The following RELN variants were observed in gnomAD, a reference collection of about 807,000 sequenced individuals.
The protein encoded by RELN is reelin.
Under a neutral mutation model 427.6 loss-of-function variants are expected in RELN, and 108 were observed. That is an observed-to-expected ratio of 0.25 (90% CI 0.22 to 0.30). The LOEUF (loss-of-function observed/expected upper bound fraction) is 0.30, where lower values mean the gene tolerates loss of function less well. Among genes scored for constraint, RELN ranks in the 10% least tolerant of loss-of-function variants. The probability of loss-of-function intolerance (pLI) is 1.00; values close to 1 mark genes in which losing one functional copy is unlikely to be tolerated. For synonymous variants in RELN, 1,524 were observed against 1,513.4 expected, an observed-to-expected ratio of 1.01 and a Z score of -0.16; for missense variants, 3,715 against 4,302.8, an observed-to-expected ratio of 0.86 and a Z score of 3.82.
intron 4 of RELN, among the ~76,000 whole-genome samples, chr7:103,771,872 C>G (rs1006097784): frequency 6.6e-6 from 1 of 152,172 alleles, no homozygotes; most frequent in South Asian, 2.1e-4. Context: ...ATCTGTCTTC[C>G]CTTGTCTGCC....
chr7:103,796,857 G>A (rs1466088869), intron 3 of RELN, among the ~76,000 whole-genome samples: 1 of 116,132 alleles, frequency 8.6e-6, no homozygotes, highest in Admixed American at 1.2e-4. Context: ...CAGGGCAAGA[G>A]AGCTAGACTC....
intron 1 of RELN, among the ~76,000 whole-genome samples, chr7:103,918,410 G>T (rs2116674654): frequency 6.6e-6 from 1 of 152,248 alleles, no homozygotes; most frequent in South Asian, 2.1e-4. Context: ...AAAGAAGAAT[G>T]TGTAGAACAG....
chr7:103,740,288 A>G (rs1359205589), intron 6 of RELN, among the ~76,000 whole-genome samples: 2 of 152,238 alleles, frequency 1.3e-5, no homozygotes, highest in Non-Finnish European at 2.9e-5. Flanking sequence ...GACAGAATTC[A>G]TAACTGCTAC....
At chr7:103,478,686 A>G (rs1210445855) in intron 63 of RELN, among the ~76,000 whole-genome samples, 1 of 152,194 alleles carries the variant, frequency 6.6e-6, no homozygotes, top group Non-Finnish European at 1.5e-5. Flanking sequence ...CATATAAATT[A>G]TAAATATTAA....
At chr7:103,862,336 A>G (rs539772221) in intron 2 of RELN, among the ~76,000 whole-genome samples, 1 of 152,274 alleles carries the variant, frequency 6.6e-6, no homozygotes, top group East Asian at 1.9e-4. Context: ...AGGCAGCTGT[A>G]GCTGAAAATT....
intron 2 of RELN, among the ~76,000 whole-genome samples, chr7:103,844,532 T>A (rs1322620715): frequency 6.6e-6 from 1 of 152,192 alleles, no homozygotes; most frequent in Non-Finnish European, 1.5e-5. Context: ...GAAGTGTTAT[T>A]ATTATTCCTA....
intron 11 of RELN, among the ~76,000 whole-genome samples, chr7:103,673,569 T>A (rs1274725158): frequency 1.3e-5 from 2 of 152,182 alleles, no homozygotes; most frequent in Non-Finnish European, 2.9e-5. Context: ...GAATATCTCA[T>A]CTTCCTCTTG....
intron 2 of RELN, among the ~76,000 whole-genome samples, chr7:103,881,030 A>T (rs982185503): frequency 2.0e-5 from 3 of 152,164 alleles, no homozygotes; most frequent in Non-Finnish European, 4.4e-5. Context: ...TTAATGTAAT[A>T]TTAAAGCATG....
At chr7:103,568,305 G>C (rs1381186573) in intron 31 of RELN, among the ~76,000 whole-genome samples, 4 of 152,136 alleles carry the variant, frequency 2.6e-5, no homozygotes, top group Non-Finnish European at 5.9e-5. Flanking sequence ...ATCTGACAAA[G>C]GATGATGCCA....
At chr7:103,783,680 CT>C (rs1791949276) in intron 3 of RELN, among the ~76,000 whole-genome samples, 2 of 152,254 alleles carry the variant, frequency 1.3e-5, no homozygotes, top group South Asian at 4.1e-4. Flanking sequence ...TCAAAGTGTA[CT>C]TTTTATTAGC....
At chr7:103,937,874 C>T (rs533202908) in intron 1 of RELN, among the ~76,000 whole-genome samples, 2 of 152,308 alleles carry the variant, frequency 1.3e-5, no homozygotes, top group East Asian at 3.9e-4. Flanking sequence ...TGCTCACTAA[C>T]CAGGCTCAGT....
chr7:103,593,863 G>T lies in RELN; in HGVS notation c.3731C>A (p.Ala1244Asp). Residue 1244 changes from alanine (A) to aspartate (D), a missense_variant, in exon 27 of 65, where the codon GCT (alanine) becomes GAT (aspartate). Ala to Asp is a moderately radical substitution (Grantham distance 126). Transcript: ENST00000428762. ...TLPQNFYEKP[A>D]FDYPMNQMSV... ...CATCTGATTCATAGGGTAATCAAAA[G>T]CTGGCTTCTCATAAAAGTTCTAATA... is the stretch of plus-strand genomic sequence containing the variant. The T allele has an allele frequency of 6.2e-7, 1 of 1,613,488 alleles. No homozygotes were observed. The highest frequency in any genetic ancestry group is 8.5e-7 in the Non-Finnish European group (1 of 1,179,584).
intron 37 of RELN, among the ~76,000 whole-genome samples, chr7:103,557,634 C>T (rs1030351843): frequency 3.9e-5 from 6 of 152,046 alleles, no homozygotes; most frequent in Non-Finnish European, 5.9e-5. Flanking sequence ...AGAAAATCCA[C>T]GTTTTTCATA....
chr7:103,557,251 A>G, intron 37 of RELN, 92 bp from the exon 38 acceptor site: 1 of 1,074,384 alleles, frequency 9.3e-7, no homozygotes, highest in Non-Finnish European at 1.4e-6. Flanking sequence ...TCAATGCATA[A>G]GAGAACTTAT....
rs544184293 is a variant in RELN at position 103,931,215 on chromosome 7, G to A, written c.227-14030C>T. On this transcript the variant is annotated intron_variant, in intron 1 of 64. Coordinates refer to ENST00000428762, the MANE Select transcript of RELN (RefSeq NM_005045.4). ...AGGCTTTCCTCTGACTCCACGCTCC[G>A]GCACACCTCTACGTGTCCAATATGT... Among the ~76,000 whole-genome samples the A allele has an allele frequency of 5.3e-5, 8 of 152,014 alleles. No individual in the cohort carries two copies. The South Asian group carries it at 1.0e-3, about 20-fold the overall frequency.
intron 48 of RELN, 70 bp from the exon 49 acceptor site, chr7:103,519,586 A>AAT: frequency 1.0e-6 from 1 of 988,810 alleles, no homozygotes; most frequent in Non-Finnish European, 1.5e-6. Flanking sequence ...TTTTCTATGG[A>AAT]TTTTTTTTTT....
intron 4 of RELN, among the ~76,000 whole-genome samples, chr7:103,773,422 G>T (rs1009901856): frequency 0.031 from 306 of 9,984 alleles, no homozygotes; most frequent in South Asian, 0.038. Flanking sequence ...TCTCTCCCTC[G>T]CTCCCTCTCT....
chr7:103,813,684 G>A (rs1401271401), intron 3 of RELN, among the ~76,000 whole-genome samples: 1 of 152,034 alleles, frequency 6.6e-6, no homozygotes, highest in Non-Finnish European at 1.5e-5. Flanking sequence ...TATGCCATGA[G>A]CATAGCAAGA....
chr7:103,529,016 G>C (rs1281874697), intron 46 of RELN, among the ~76,000 whole-genome samples: 1 of 151,752 alleles, frequency 6.6e-6, no homozygotes, highest in Admixed American at 6.6e-5. Context: ...TGCGCCTGTA[G>C]TCCCAACTAC....
Sources: gnomAD v4.1 joint callset for allele counts (sites outside exome capture counted in the v4.1 genomes callset) on GRCh38, gnomAD v4.1.1 for gene constraint, MANE v1.5 for transcripts, NCBI Gene and HGNC (gene_info 2026-07-23, HGNC 2026-07-21) for gene names.